The following NR1D2 variants were observed in gnomAD, a reference collection of about 807,000 sequenced individuals.
The protein encoded by NR1D2 is V-erbA-related protein 1-related.
A neutral mutation model predicts 52.2 loss-of-function variants in NR1D2; 25 were observed. The ratio of observed to expected loss-of-function variants is 0.48; its 90% CI spans 0.35 to 0.67. The LOEUF is 0.67. NR1D2 is among the 30% of genes least tolerant of loss of function. The probability of loss-of-function intolerance (pLI) is 0.01; values close to 1 mark genes in which losing one functional copy is unlikely to be tolerated. For synonymous variants in NR1D2, 259 were observed against 230.1 expected, an observed-to-expected ratio of 1.13 and a Z score of -1.14; for missense variants, 681 against 707.2, an observed-to-expected ratio of 0.96 and a Z score of 0.42.
At chr3:23,945,633 G>A (rs757183043) in intron 1 of NR1D2, 39 bp downstream of exon 1, 3 of 1,168,658 alleles carry the variant, frequency 2.6e-6, no homozygotes, top group Middle Eastern at 3.4e-4. Flanking sequence ...ATGGCCGGAG[G>A]GAGCGCTCAG....
In NR1D2 at chr3:23,946,236, G is replaced by T. The variant is rs983174522; in HGVS notation, c.16+642G>T. Reference sequence around the variant, plus strand: ...CTGACACCGCAGTGCACCGGACGCCGCACGCTCTTTTCGCGAGGTGACCCC... The same window carrying T: ...CTGACACCGCAGTGCACCGGACGCCTCACGCTCTTTTCGCGAGGTGACCCC... On this transcript the variant is annotated intron_variant, in intron 1 of 7. Transcript: ENST00000312521. The T allele has an allele frequency of 8.1e-6, 8 of 985,332 alleles. No homozygotes were observed. The African/African-American group carries it at 1.0e-4, about 13-fold the overall frequency. 61.0% of individuals were successfully genotyped at this position (985,332 alleles called of 1,614,324 possible).
chr3:23,967,053 C>A (rs1706466555), intron 6 of NR1D2, among the ~76,000 whole-genome samples: 1 of 152,214 alleles, frequency 6.6e-6, no homozygotes, highest in East Asian at 1.9e-4. Flanking sequence ...AGGCCGGGCG[C>A]TGTGGCTCAT....
Position 23,979,875 on chromosome 3 carries a change from T to A in NR1D2, c.*2456T>A, listed in dbSNP as rs1198287546. ...TGTATGAATTAAGTGATGCTTTAACTTTGATTTTACATTTTAAAGTTAAAA... is the reference window on the plus strand; with the variant it reads ...TGTATGAATTAAGTGATGCTTTAACATTGATTTTACATTTTAAAGTTAAAA... On this transcript the variant is annotated 3_prime_UTR_variant, in exon 8 of 8. Coordinates refer to ENST00000312521, the MANE Select transcript of NR1D2 (RefSeq NM_005126.5). 2.0e-5 allele frequency: 3 copies of A among 152,160 alleles called. No individual in the cohort carries two copies. The highest frequency in any genetic ancestry group is 4.4e-5 in the Non-Finnish European group (3 of 67,974). The allele number at this position is 152,160 out of a possible 1,614,324, so 9.4% of individuals were successfully genotyped here. A position where few individuals can be genotyped will look rare whatever the true frequency, so the allele number is the denominator to read the frequency against.
Position 23,977,282 on chromosome 3 carries a change from G to A in NR1D2, c.1603G>A (p.Ala535Thr), listed in dbSNP as rs1392255987. 1 of 1,612,238 alleles carries A rather than the reference G, an allele frequency of 6.2e-7. No homozygotes were observed. The highest frequency in any genetic ancestry group is 2.2e-5 in the East Asian group (1 of 44,860). The change falls in exon 8 of 8, where the codon GCA (alanine) becomes ACA (threonine). Residue 535 changes from alanine (A) to threonine (T), a missense_variant. By Grantham distance (58) the Ala-to-Thr change is moderately conservative. Around this residue, in one of 3 missense-constraint regions of NR1D2, gnomAD observed 475 missense variants for 454.5 expected, o/e 1.05. Coordinates refer to ENST00000312521, the MANE Select transcript of NR1D2 (RefSeq NM_005126.5). The part of the protein sequence containing the change: ...VEALQETLIR[A>T]LRTLIMKNHP... Reference sequence around the variant, plus strand: ...GGCTTTGCAGGAAACTCTCATTCGTGCACTAAGGACCTTAATAATGAAAAA... The same window carrying A: ...GGCTTTGCAGGAAACTCTCATTCGTACACTAAGGACCTTAATAATGAAAAA...
intron 2 of NR1D2, among the ~76,000 whole-genome samples, chr3:23,955,013 CAT>C (rs759436398): frequency 5.3e-5 from 8 of 152,204 alleles, no homozygotes; most frequent in Non-Finnish European, 1.0e-4. Flanking sequence ...CAGAGCAAGA[CAT>C]GTGATTATGT....
intron 1 of NR1D2, 104 bp from the exon 2 acceptor site, chr3:23,954,433 A>C: frequency 1.1e-6 from 1 of 922,390 alleles, no homozygotes; most frequent in Admixed American, 2.3e-5. Context: ...ATTTCATATC[A>C]GTATCCTGTT....
In NR1D2 at chr3:23,946,820, G is replaced by T. The variant is rs188700570; in HGVS notation, c.16+1226G>T. Among the ~76,000 whole-genome samples, 14 of 152,290 alleles carry T rather than the reference G, an allele frequency of 9.2e-5. No homozygotes were observed. In the East Asian group the frequency reaches 2.5e-3, roughly 27 times the overall value. ...TGTTACATTGCAACGGAACAACAGG[G>T]TGCCCTTCCCTCCTTTTGTCTGCCC... On this transcript the variant is annotated intron_variant, in intron 1 of 7. Coordinates refer to ENST00000312521, the MANE Select transcript of NR1D2 (RefSeq NM_005126.5).
At chr3:23,959,111 T>TA (rs1467592963) in intron 3 of NR1D2, among the ~76,000 whole-genome samples, 1 of 151,898 alleles carries the variant, frequency 6.6e-6, no homozygotes, top group Non-Finnish European at 1.5e-5. Context: ...CTACAAAAAA[T>TA]ACAAAAATTA....
intron 4 of NR1D2, among the ~76,000 whole-genome samples, chr3:23,960,953 G>A (rs1182498233): frequency 6.6e-6 from 1 of 152,138 alleles, no homozygotes; most frequent in Non-Finnish European, 1.5e-5. Context: ...TTCTCTCATG[G>A]ATAGGATTAT....
chr3:23,976,739 C>A (rs1015412065), intron 7 of NR1D2, among the ~76,000 whole-genome samples: 1 of 152,108 alleles, frequency 6.6e-6, no homozygotes, highest in East Asian at 1.9e-4. Flanking sequence ...GTTAGTAAGT[C>A]TAGGTCCACT....
rs780029456 is a variant in NR1D2, at chr3:23,959,781, C to T, written c.483C>T (p.Phe161=). ...GGAACAGATGTCAGCAATGTCGCTT[C>T]AAAAAGTGTCTGTCTGTTGGAATGT... ...MNRNRCQQCR[F]KKCLSVGMSR... is the part of the protein sequence containing the mutation. The change falls in exon 4 of 8, where the codon TTC becomes TTT. Residue 161 remains phenylalanine (F), a synonymous_variant. Transcript: ENST00000312521. 3.7e-6 allele frequency: 6 copies of T among 1,613,384 alleles called. No individual in the cohort carries two copies. The Admixed American group carries it at 1.0e-4, about 27-fold the overall frequency.
chr3:23,963,445 T>G (rs1706341080), intron 5 of NR1D2: 2 of 1,168,760 alleles, frequency 1.7e-6, no homozygotes, highest in South Asian at 1.7e-5. Flanking sequence ...TTAGGCTAAG[T>G]CGTTGCTTTT....
rs1378783697 is a variant in NR1D2 at position 23,945,540 on chromosome 3, C to T, written c.-39C>T. ...GGCGGCGGCGGCGCTGCCCCCTCTG[C>T]GGGAAGCGGGCGGCCCCGGCCGCCT... is the stretch of plus-strand genomic sequence containing the variant. On this transcript the variant is annotated 5_prime_UTR_variant, in exon 1 of 8. Coordinates refer to ENST00000312521, the MANE Select transcript of NR1D2 (RefSeq NM_005126.5). The T allele has an allele frequency of 8.8e-6, 10 of 1,136,710 alleles. No homozygotes were observed. Among genetic ancestry groups the T allele is most frequent in the Non-Finnish European group, 8.7e-6 (8 of 920,440 alleles). The allele number at this position is 1,136,710 out of a possible 1,614,324, so 70.4% of individuals were successfully genotyped here.
At chr3:23,974,446 T>A (rs763457534) in intron 7 of NR1D2, among the ~76,000 whole-genome samples, 1 of 152,186 alleles carries the variant, frequency 6.6e-6, no homozygotes, top group South Asian at 2.1e-4. Flanking sequence ...CACCCTTTTA[T>A]ATGTGGTCTG....
chr3:23,953,460 C>T (rs1378358998), intron 1 of NR1D2, among the ~76,000 whole-genome samples: 2 of 151,796 alleles, frequency 1.3e-5, no homozygotes, highest in African/African-American at 4.8e-5. Context: ...TAGCTTCAGC[C>T]TTACTGTTAT....
At chr3:23,946,224 G>C in intron 1 of NR1D2, 1 of 985,502 alleles carries the variant, frequency 1.0e-6, no homozygotes, top group Non-Finnish European at 1.2e-6. Flanking sequence ...ACACCGCAGT[G>C]CACCGGACGC....
At position 23,954,564 on chromosome 3, in the gene NR1D2, C is replaced by T. The variant is rs1290579087; in HGVS notation, c.44C>T (p.Ser15Phe). Reference protein sequence around the residue: ...AGGVIAYISSSSSASSPASCH... With the variant: ...AGGVIAYISSFSSASSPASCH... ...GGTGTGATTGCCTATATCAGTTCTT[C>T]CAGCTCAGCCTCAAGCCCTGCCTCT... Residue 15 changes from serine to phenylalanine, a missense_variant, in exon 2 of 8, where the codon TCC (serine) becomes TTC (phenylalanine). Ser to Phe is a radical substitution (Grantham distance 155). Around this residue, in one of 3 missense-constraint regions of NR1D2, gnomAD observed 94 missense variants for 90.4 expected, o/e 1.04. Transcript: ENST00000312521. The T allele has an allele frequency of 2.5e-6, 4 of 1,613,916 alleles. No homozygotes were observed. Among genetic ancestry groups the T allele is most frequent in the Non-Finnish European group, 3.4e-6 (4 of 1,179,968 alleles).
At chr3:23,946,470 T>A in intron 1 of NR1D2, 1 of 197,652 alleles carries the variant, frequency 5.1e-6, no homozygotes, top group Non-Finnish European at 9.1e-6. Context: ...GCAGACTGGG[T>A]AGCACCGCCC....
At position 23,977,557 on chromosome 3, in the gene NR1D2, T is replaced by C. The variant is rs760768533; in HGVS notation, c.*138T>C. ...AGATTGTAGGCTATCTCTGTAATCATGCAATAGCTGTTCGGATTGAGAACT... is the reference window on the plus strand; with the variant it reads ...AGATTGTAGGCTATCTCTGTAATCACGCAATAGCTGTTCGGATTGAGAACT... On this transcript the variant is annotated 3_prime_UTR_variant, in exon 8 of 8. Transcript: ENST00000312521. 7 of 504,318 alleles carry C rather than the reference T, an allele frequency of 1.4e-5. No homozygotes were observed. Among genetic ancestry groups the C allele is most frequent in the Non-Finnish European group, 2.0e-5 (6 of 299,248 alleles). The allele number at this position is 504,318 out of a possible 1,614,324, so 31.2% of individuals were successfully genotyped here.
Sources: gnomAD v4.1 joint callset for allele counts (sites outside exome capture counted in the v4.1 genomes callset) on GRCh38, gnomAD v4.1.1 for gene constraint, gnomAD v4.1.1 regional missense constraint, MANE v1.5 for transcripts, NCBI Gene and HGNC (gene_info 2026-07-23, HGNC 2026-07-21) for gene names.